RP1: variants seen among roughly 807,000 people sequenced by gnomAD.
The protein encoded by RP1 is oxygen-regulated protein 1.
RP1 carries 16 observed loss-of-function variants against 14.8 expected under a neutral mutation model. The observed-to-expected ratio is 1.08, with a 90% CI of 0.73 to 1.65. The LOEUF is 1.65. Ranked by LOEUF, RP1 falls within the 40% of genes most tolerant of loss-of-function variation. RP1 has a pLI of 0.00. For synonymous variants in RP1, 876 were observed against 883.6 expected (o/e 0.99, Z 0.15); for missense variants, 2,631 against 2,535.0 (o/e 1.04, Z -0.81).
intron 17 of RP1, among the ~76,000 whole-genome samples, chr8:54,727,544 C>A (rs1178504903): frequency 1.3e-5 from 2 of 151,832 alleles, no homozygotes; most frequent in African/African-American, 4.8e-5. Flanking sequence ...TTTGTTCTGG[C>A]AAAAATATTT....
chr8:54,709,482 C>T lies in RP1; in HGVS notation c.2211+2827C>T, dbSNP rs563236392. 1.1e-4 allele frequency among the ~76,000 whole-genome samples: 16 copies of T among 152,134 alleles called. No individual in the cohort carries two copies. The South Asian group carries it at 2.5e-3, about 24-fold the overall frequency. On this transcript the variant is annotated intron_variant, in intron 15 of 22. Coordinates refer to the RP1 transcript ENST00000636932. Reference sequence around the variant, plus strand: ...CAATCATGCACTGGAGTTTCAAACCCAAGTATCACTTCTTCTTAGAGATAT... The same window carrying T: ...CAATCATGCACTGGAGTTTCAAACCTAAGTATCACTTCTTCTTAGAGATAT...
chr8:54,740,680 C>G (rs1010656883), intron 19 of RP1, among the ~76,000 whole-genome samples: 2 of 151,700 alleles, frequency 1.3e-5, no homozygotes, highest in Non-Finnish European at 2.9e-5. Flanking sequence ...CAAGATCACA[C>G]CACTGCGTTC....
At chr8:54,622,068 T>C in intron 2 of RP1, 49 bp from the exon 3 acceptor site, 1 of 1,582,606 alleles carries the variant, frequency 6.3e-7, no homozygotes, top group Non-Finnish European at 8.7e-7. Flanking sequence ...AAATTACCAC[T>C]TAGTATAAAA....
intron 24 of RP1, among the ~76,000 whole-genome samples, chr8:54,822,016 T>A (rs1490789276): frequency 6.6e-6 from 1 of 152,192 alleles, no homozygotes; most frequent in African/African-American, 2.4e-5. Context: ...ACCATCATCA[T>A]AATAGTGATA....
chr8:54,576,178 C>T (rs1003141825), intron 1 of RP1, among the ~76,000 whole-genome samples: 1 of 152,056 alleles, frequency 6.6e-6, no homozygotes, highest in Admixed American at 6.5e-5. Flanking sequence ...GTAGCTGGGA[C>T]TACAGGCGCG....
intron 19 of RP1, among the ~76,000 whole-genome samples, chr8:54,744,217 T>C (rs565333785): frequency 6.6e-6 from 1 of 152,192 alleles, no homozygotes; most frequent in African/African-American, 2.4e-5. Flanking sequence ...GTAGCACACA[T>C]ATTATATTAG....
chr8:54,618,729 C>T (rs1248660423), intron 1 of RP1, among the ~76,000 whole-genome samples: 1 of 152,124 alleles, frequency 6.6e-6, no homozygotes, highest in Non-Finnish European at 1.5e-5. Context: ...GATCTCAGCT[C>T]ACTGCAACAT....
At chr8:54,867,772 T>C (rs919746892) in intron 28 of RP1, among the ~76,000 whole-genome samples, 14 of 152,202 alleles carry the variant, frequency 9.2e-5, no homozygotes, top group African/African-American at 3.4e-4. Context: ...AAGTTTTACT[T>C]TTTAAATATT....
At chr8:54,605,671 T>G (rs1805418275) in intron 1 of RP1, among the ~76,000 whole-genome samples, 1 of 152,138 alleles carries the variant, frequency 6.6e-6, no homozygotes, top group African/African-American at 2.4e-5. Context: ...TGTGTGGGAG[T>G]CTAAGTCTCT....
At chr8:54,861,010 G>A (rs1356076480) in intron 27 of RP1, among the ~76,000 whole-genome samples, 1 of 152,166 alleles carries the variant, frequency 6.6e-6, no homozygotes, top group Non-Finnish European at 1.5e-5. Flanking sequence ...AAGGAACCCA[G>A]TTAAAGCAAG....
chr8:54,834,322 G>A (rs1196026020), intron 24 of RP1, among the ~76,000 whole-genome samples: 2 of 152,020 alleles, frequency 1.3e-5, no homozygotes, highest in African/African-American at 2.4e-5. Context: ...AGGAGAATAT[G>A]ATATTCTGTG....
In RP1 at chr8:54,775,565, G is replaced by A. The variant is rs575465246; in HGVS notation, c.3451+5398G>A. 5.9e-5 allele frequency among the ~76,000 whole-genome samples: 9 copies of A among 152,274 alleles called. No individual in the cohort carries two copies. In the South Asian group the frequency reaches 1.9e-3, roughly 32 times the overall value. ...AGCACCACCTTGCCAGTCACATTGAGAGAGCCATCTTGGAAGCAAATCCTC... is the reference window on the plus strand; with the variant it reads ...AGCACCACCTTGCCAGTCACATTGAAAGAGCCATCTTGGAAGCAAATCCTC... On this transcript the variant is annotated intron_variant, in intron 23 of 28. Coordinates refer to the RP1 transcript ENST00000637698.
intron 12 of RP1, among the ~76,000 whole-genome samples, chr8:54,694,072 A>T (rs1442537825): frequency 6.6e-6 from 1 of 152,166 alleles, no homozygotes; most frequent in Non-Finnish European, 1.5e-5. Context: ...ATTTACTGAG[A>T]TAATCATGTG....
chr8:54,769,693 C>G, intron 22 of RP1: 2 of 1,215,008 alleles, frequency 1.6e-6, no homozygotes, highest in South Asian at 1.4e-5. Flanking sequence ...TTAATTTTCT[C>G]TCTATTTTCT....
chr8:54,574,844 G>T (rs1804608406), intron 1 of RP1, among the ~76,000 whole-genome samples: 1 of 152,128 alleles, frequency 6.6e-6, no homozygotes, highest in Non-Finnish European at 1.5e-5. Flanking sequence ...ACCCCAGTCT[G>T]GTGTCTGGGG....
At chr8:54,762,435 C>T (rs1256712827) in intron 22 of RP1, among the ~76,000 whole-genome samples, 3 of 152,130 alleles carry the variant, frequency 2.0e-5, no homozygotes. Context: ...CACCCACGTC[C>T]TTATGGCTTT....
intron 3 of RP1, among the ~76,000 whole-genome samples, chr8:54,641,744 T>C (rs1011851641): frequency 6.6e-5 from 10 of 152,348 alleles, no homozygotes; most frequent in African/African-American, 2.2e-4. Context: ...CTTTCCTTTC[T>C]TGGGTAGCTG....
At chr8:54,776,610 T>C (rs946178448) in intron 23 of RP1, among the ~76,000 whole-genome samples, 1 of 152,188 alleles carries the variant, frequency 6.6e-6, no homozygotes, top group African/African-American at 2.4e-5. Flanking sequence ...AAGTTTTCCA[T>C]ATAAGCCAAG....
At chr8:54,572,894 G>C (rs1378523111) in intron 1 of RP1, among the ~76,000 whole-genome samples, 1 of 152,132 alleles carries the variant, frequency 6.6e-6, no homozygotes, top group Non-Finnish European at 1.5e-5. Context: ...ATTTTCCAAA[G>C]AGTTATTTCT....
Sources: gnomAD v4.1 joint callset for allele counts (sites outside exome capture counted in the v4.1 genomes callset) on GRCh38, gnomAD v4.1.1 for gene constraint, MANE v1.5 for transcripts, NCBI Gene and HGNC (gene_info 2026-07-23, HGNC 2026-07-21) for gene names.